FRY: variants seen among roughly 807,000 people sequenced by gnomAD.
FRY encodes FRY microtubule binding protein, also known as protein furry homolog.
In FRY, 128 loss-of-function variants were observed where a neutral mutation model predicts 348.4. The ratio of observed to expected loss-of-function variants is 0.37; its 90% CI spans 0.32 to 0.43. FRY has a LOEUF of 0.43. Among genes scored for constraint, FRY ranks in the 20% least tolerant of loss-of-function variants. The probability of loss-of-function intolerance (pLI) is 1.00; values close to 1 mark genes in which losing one functional copy is unlikely to be tolerated. For missense variants in FRY, 2,736 were observed against 3,695.2 expected, an observed-to-expected ratio of 0.74 and a Z score of 6.73; for synonymous variants, 1,370 against 1,374.7, an observed-to-expected ratio of 1.00 and a Z score of 0.08.
intron 59 of FRY, among the ~76,000 whole-genome samples, chr13:32,290,589 A>AG (rs1290558952): frequency 1.3e-5 from 2 of 152,082 alleles, no homozygotes; most frequent in African/African-American, 4.8e-5. Context: ...AGAGGGGTAA[A>AG]GGCGAGATCA....
At chr13:32,049,439 T>TTTTC (rs1555246922) in intron 1 of FRY, among the ~76,000 whole-genome samples, 2 of 151,202 alleles carry the variant, frequency 1.3e-5, no homozygotes, top group African/African-American at 4.9e-5. Context: ...CCATAGGTTT[T>TTTTC]TTTGTTTGTT....
At chr13:32,034,369 A>G (rs1167118056) in intron 1 of FRY, among the ~76,000 whole-genome samples, 1 of 152,156 alleles carries the variant, frequency 6.6e-6, no homozygotes, top group African/African-American at 2.4e-5. Context: ...GTCGCTGGCT[A>G]GTGAGATGTA....
chr13:32,125,114 A>G (rs1462871406), intron 7 of FRY, among the ~76,000 whole-genome samples: 1 of 152,226 alleles, frequency 6.6e-6, no homozygotes, highest in Non-Finnish European at 1.5e-5. Flanking sequence ...TGTTGCATCA[A>G]AGAAATGGGG....
intron 2 of FRY, chr13:32,085,733 G>A (rs533180980): frequency 2.1e-5 from 8 of 376,282 alleles, no homozygotes; most frequent in Non-Finnish European, 4.2e-5. Context: ...AGTCAGCCTG[G>A]TGCTTCCTCT....
chr13:32,204,266 G>C (rs769394582), intron 31 of FRY, among the ~76,000 whole-genome samples: 2 of 152,176 alleles, frequency 1.3e-5, no homozygotes, highest in South Asian at 2.1e-4. Context: ...AGCTGGCCCA[G>C]TCCTGGCATG....
At chr13:32,268,618 G>A (rs757744498) in intron 55 of FRY, among the ~76,000 whole-genome samples, 8 of 147,446 alleles carry the variant, frequency 5.4e-5, no homozygotes, top group African/African-American at 1.3e-4. Flanking sequence ...ATCTTTTCAC[G>A]GTAATGATAT....
chr13:32,208,638 G>A (rs1407837384), intron 31 of FRY, among the ~76,000 whole-genome samples: 1 of 152,190 alleles, frequency 6.6e-6, no homozygotes, highest in African/African-American at 2.4e-5. Context: ...TTGCCCCACA[G>A]TGCTATACAC....
chr13:32,276,360 G>C, intron 56 of FRY, 104 bp from the exon 57 acceptor site: 1 of 752,994 alleles, frequency 1.3e-6, no homozygotes, highest in South Asian at 1.4e-5. Flanking sequence ...GATGACACTT[G>C]TACCCCTTAA....
chr13:32,165,239 C>T (rs1566106134), intron 17 of FRY, among the ~76,000 whole-genome samples: 1 of 152,160 alleles, frequency 6.6e-6, no homozygotes, highest in Non-Finnish European at 1.5e-5. Context: ...ATAATGCATA[C>T]ACAGATTCCA....
At chr13:32,182,223 G>A (rs1380131842) in intron 23 of FRY, among the ~76,000 whole-genome samples, 6 of 152,156 alleles carry the variant, frequency 3.9e-5, no homozygotes, top group Non-Finnish European at 4.4e-5. Flanking sequence ...TAGCAATTCA[G>A]AAGTTATTTC....
At chr13:32,101,719 CTT>C (rs1197128154) in intron 2 of FRY, among the ~76,000 whole-genome samples, 2 of 152,106 alleles carry the variant, frequency 1.3e-5, no homozygotes, top group Non-Finnish European at 2.9e-5. Context: ...GTATCAGATT[CTT>C]AATGTTTTGG....
intron 51 of FRY, among the ~76,000 whole-genome samples, chr13:32,260,751 T>C (rs1887587971): frequency 6.6e-6 from 1 of 151,662 alleles, no homozygotes; most frequent in Non-Finnish European, 1.5e-5. Flanking sequence ...ACCCAGAAGG[T>C]GGAGGTTGCC....
At chr13:32,088,157 C>T (rs1876011376) in intron 2 of FRY, among the ~76,000 whole-genome samples, 1 of 152,188 alleles carries the variant, frequency 6.6e-6, no homozygotes, top group Non-Finnish European at 1.5e-5. Context: ...ATCAGCTAGT[C>T]TTGTTGGTCA....
chr13:32,031,971 T>G, intron 1 of FRY, 106 bp downstream of exon 1: 1 of 646,134 alleles, frequency 1.5e-6, no homozygotes, highest in Non-Finnish European at 2.8e-6. Context: ...GCCGCGGAAG[T>G]TTTTCTTTTT....
rs918310717 is a variant in FRY, at chr13:32,039,901, A to G, written c.70+8036A>G. Among the ~76,000 whole-genome samples, 17 of 152,362 alleles carry G rather than the reference A, an allele frequency of 1.1e-4. No homozygotes were observed. In the East Asian group the frequency reaches 1.3e-3, roughly 12 times the overall value. On this transcript the variant is annotated intron_variant, in intron 1 of 60. Coordinates refer to ENST00000542859, the MANE Select transcript of FRY (RefSeq NM_023037.3). ...GTGCTTTTATCAACTCTAATTTGAT[A>G]TACAACTCTGACTGCTTCTGCTGTT...
intron 59 of FRY, among the ~76,000 whole-genome samples, chr13:32,290,435 T>A (rs2138649060): frequency 6.6e-6 from 1 of 150,872 alleles, no homozygotes; most frequent in East Asian, 2.0e-4. Context: ...AGAGGGTGAG[T>A]TGGAGTGAGG....
chr13:32,242,932 T>C (rs2138477111), intron 46 of FRY, among the ~76,000 whole-genome samples: 1 of 152,370 alleles, frequency 6.6e-6, no homozygotes, highest in Non-Finnish European at 1.5e-5. Flanking sequence ...TAAACTTTTA[T>C]CATGATGTCT....
chr13:32,190,729 C>T (rs1163856842), intron 28 of FRY, among the ~76,000 whole-genome samples: 4 of 152,108 alleles, frequency 2.6e-5, no homozygotes, highest in Non-Finnish European at 5.9e-5. Flanking sequence ...GGAAGATTCA[C>T]TATTGTAAAG....
intron 10 of FRY, among the ~76,000 whole-genome samples, chr13:32,136,039 T>TA (rs138896602): frequency 1.2e-3 from 185 of 151,156 alleles, no homozygotes; most frequent in Admixed American, 1.8e-3. Flanking sequence ...TAAGTTAATT[T>TA]AAAAAAAAAC....
Sources: allele counts gnomAD v4.1 joint callset (sites outside exome capture counted in the v4.1 genomes callset), GRCh38; gene constraint gnomAD v4.1.1; transcripts MANE v1.5; gene names NCBI Gene and HGNC (gene_info 2026-07-23, HGNC 2026-07-21).